Variants in GPC5 observed in about 807,000 individuals in gnomAD.
The protein encoded by GPC5 is glypican-5.
Under a neutral mutation model 53.9 loss-of-function variants are expected in GPC5, and 47 were observed. That is an observed-to-expected ratio of 0.87 (90% CI 0.69 to 1.11). The LOEUF is 1.11. GPC5 is among the 50% of genes most tolerant of loss of function. The pLI is 0.00. For synonymous variants in GPC5, 286 were observed against 263.3 expected, an observed-to-expected ratio of 1.09 and a Z score of -0.84; for missense variants, 748 against 713.1, an observed-to-expected ratio of 1.05 and a Z score of -0.56.
At chr13:92,387,091 G>T (rs1874761760) in intron 7 of GPC5, among the ~76,000 whole-genome samples, 1 of 152,080 alleles carries the variant, frequency 6.6e-6, no homozygotes, top group African/African-American at 2.4e-5. Context: ...TATACAGATG[G>T]TCCCCAACTT....
chr13:92,435,493 G>T (rs1309828222), intron 7 of GPC5, among the ~76,000 whole-genome samples: 3 of 152,070 alleles, frequency 2.0e-5, no homozygotes, highest in Non-Finnish European at 4.4e-5. Context: ...TCTATTTTGG[G>T]CAAGAAGAAC....
chr13:91,488,959 T>C (rs1317492431), intron 2 of GPC5, among the ~76,000 whole-genome samples: 1 of 152,178 alleles, frequency 6.6e-6, no homozygotes, highest in Non-Finnish European at 1.5e-5. Context: ...TCTTTTATGG[T>C]CGTAGCTGTG....
rs187872841 is a variant in GPC5, at chr13:92,365,830, C to T, written c.1561+220841C>T. 1.8e-3 allele frequency among the ~76,000 whole-genome samples: 272 copies of T among 151,304 alleles called. 3 individuals carry two copies. Among genetic ancestry groups the T allele is most frequent in the Admixed American group, 2.9e-3 (44 of 15,236 alleles). ...GCGTGCATGGATCTATCATTACCTA[C>T]GGTAACAATGCCTTCTTTTGGAATA... is the stretch of plus-strand genomic sequence containing the variant. On this transcript the variant is annotated intron_variant, in intron 7 of 7. Coordinates refer to ENST00000377067, the MANE Select transcript of GPC5 (RefSeq NM_004466.6).
In GPC5 at chr13:92,316,739, T is replaced by A. The variant is rs371199213; in HGVS notation, c.1561+171750T>A. On this transcript the variant is annotated intron_variant, in intron 7 of 7. Coordinates refer to ENST00000377067, the MANE Select transcript of GPC5 (RefSeq NM_004466.6). ...AAATTTTCTGAAGAAAAATTATATA[T>A]GCATCTGCATCAGAGTTTTAAAAAT... 1.1e-3 allele frequency among the ~76,000 whole-genome samples: 175 copies of A among 152,274 alleles called. 6 individuals are homozygous for A. The South Asian group carries it at 0.034, about 30-fold the overall frequency.
At chr13:91,997,230 A>G (rs746753107) in intron 6 of GPC5, among the ~76,000 whole-genome samples, 7 of 152,130 alleles carry the variant, frequency 4.6e-5, no homozygotes, top group Non-Finnish European at 7.4e-5. Context: ...CGTACTGTCA[A>G]TTTATCTATG....
At chr13:92,552,202 A>C (rs968105572) in intron 7 of GPC5, among the ~76,000 whole-genome samples, 1 of 151,898 alleles carries the variant, frequency 6.6e-6, no homozygotes, top group Admixed American at 6.6e-5. Context: ...AAAAATTTCC[A>C]TTTCAACAAA....
chr13:92,306,477 G>C lies in GPC5; in HGVS notation c.1561+161488G>C, dbSNP rs115972334. Among the ~76,000 whole-genome samples, 856 of 152,296 alleles carry C rather than the reference G, an allele frequency of 5.6e-3. 8 individuals carry two copies. Among genetic ancestry groups the C allele is most frequent in the African/African-American group, 0.02 (820 of 41,568 alleles). ...CTTTTGTGACACGGAATTGTCTCAA[G>C]AGAAGGCTTCCCATTGGAGGCAGCT... is the stretch of plus-strand genomic sequence containing the variant. On this transcript the variant is annotated intron_variant, in intron 7 of 7. Transcript: ENST00000377067.
chr13:92,626,916 T>G (rs1362549303), intron 7 of GPC5, among the ~76,000 whole-genome samples: 1 of 152,200 alleles, frequency 6.6e-6, no homozygotes, highest in East Asian at 1.9e-4. Context: ...TTTTCATTAT[T>G]TCATATTTTG....
intron 6 of GPC5, among the ~76,000 whole-genome samples, chr13:92,033,880 A>C (rs2040872758): frequency 6.6e-6 from 1 of 152,356 alleles, no homozygotes; most frequent in East Asian, 1.9e-4. Context: ...ATGTTAACTT[A>C]GCTGGCCACT....
At chr13:92,124,424 A>ACAC (rs1253470934) in intron 6 of GPC5, among the ~76,000 whole-genome samples, 4 of 152,166 alleles carry the variant, frequency 2.6e-5, no homozygotes, top group African/African-American at 9.7e-5. Context: ...ACTTGAAATT[A>ACAC]CACAAGAAAG....
intron 2 of GPC5, among the ~76,000 whole-genome samples, chr13:91,460,281 T>C (rs1881848482): frequency 6.6e-6 from 1 of 151,740 alleles, no homozygotes; most frequent in Admixed American, 6.6e-5. Flanking sequence ...ATCATTTAAA[T>C]AATATCTCTT....
At chr13:91,929,262 A>G (rs181542109) in intron 6 of GPC5, among the ~76,000 whole-genome samples, 76 of 152,282 alleles carry the variant, frequency 5.0e-4, no homozygotes, top group African/African-American at 1.8e-3. Context: ...AAAGTAGAAG[A>G]TGCACTCACA....
At chr13:92,808,836 CA>C (rs144092658) in intron 7 of GPC5, among the ~76,000 whole-genome samples, 2 of 151,940 alleles carry the variant, frequency 1.3e-5, no homozygotes, top group East Asian at 1.9e-4. Context: ...AGCATTTCCC[CA>C]AAAAAACTTG....
At chr13:92,158,864 A>C (rs747333638) in intron 7 of GPC5, among the ~76,000 whole-genome samples, 3 of 152,172 alleles carry the variant, frequency 2.0e-5, no homozygotes, top group Non-Finnish European at 2.9e-5. Flanking sequence ...ATCAAAATTT[A>C]TGAACTGTTG....
intron 7 of GPC5, among the ~76,000 whole-genome samples, chr13:92,800,113 G>T: frequency 6.6e-6 from 1 of 151,868 alleles, no homozygotes; most frequent in East Asian, 1.9e-4. Flanking sequence ...CCAAGTATTT[G>T]GTTTGCATGT....
intron 7 of GPC5, among the ~76,000 whole-genome samples, chr13:92,845,127 T>A (rs1365268580): frequency 1.3e-5 from 2 of 151,960 alleles, no homozygotes; most frequent in Non-Finnish European, 2.9e-5. Context: ...TACATTGTGA[T>A]CTATAAGGGA....
intron 7 of GPC5, among the ~76,000 whole-genome samples, chr13:92,700,944 C>T (rs918463671): frequency 2.6e-5 from 4 of 152,024 alleles, no homozygotes; most frequent in Non-Finnish European, 5.9e-5. Context: ...AGGGTTTCTT[C>T]TGGGTTTTGT....
chr13:92,313,946 T>C (rs2043161977), intron 7 of GPC5, among the ~76,000 whole-genome samples: 1 of 152,196 alleles, frequency 6.6e-6, no homozygotes, highest in Non-Finnish European at 1.5e-5. Flanking sequence ...AAATGTTCAC[T>C]CATCTCGCCT....
chr13:92,391,292 T>A (rs962494614), intron 7 of GPC5, among the ~76,000 whole-genome samples: 6 of 152,144 alleles, frequency 3.9e-5, no homozygotes, highest in African/African-American at 2.4e-5. Flanking sequence ...ATGTCACAAT[T>A]CTATTAGTTT....
Sources: allele counts gnomAD v4.1 joint callset (sites outside exome capture counted in the v4.1 genomes callset), GRCh38; gene constraint gnomAD v4.1.1; transcripts MANE v1.5; gene names NCBI Gene and HGNC (gene_info 2026-07-23, HGNC 2026-07-21).